SLC38A4: variants seen among roughly 807,000 people sequenced by gnomAD.
SLC38A4 encodes sodium-coupled neutral amino acid transporter 4.
In SLC38A4, 20 loss-of-function variants were observed where a neutral mutation model predicts 63.1. That is an observed-to-expected ratio of 0.32 (90% CI 0.22 to 0.46). The LOEUF (loss-of-function observed/expected upper bound fraction) is 0.46, where lower values mean the gene tolerates loss of function less well. Ranked by LOEUF, SLC38A4 falls within the 20% of genes least tolerant of loss-of-function variation. SLC38A4 has a pLI of 1.00. For synonymous variants in SLC38A4, 230 were observed against 225.5 expected (o/e 1.02, Z -0.18); for missense variants, 526 against 663.6 (o/e 0.79, Z 2.28).
intron 14 of SLC38A4, among the ~76,000 whole-genome samples, chr12:46,771,646 T>G (rs180409): frequency 2.0e-5 from 3 of 152,036 alleles, no homozygotes; most frequent in Middle Eastern, 3.4e-3. Context: ...AGTGCATTCC[T>G]GAAGAGAGCA....
chr12:46,797,375 C>T (rs998341009), intron 2 of SLC38A4, among the ~76,000 whole-genome samples: 38 of 152,112 alleles, frequency 2.5e-4, no homozygotes, highest in African/African-American at 8.7e-4. Flanking sequence ...AGAGGAAGGG[C>T]AAATTTACTG....
upstream of SLC38A4, among the ~76,000 whole-genome samples, chr12:46,827,388 G>A (rs1159708522): frequency 6.6e-6 from 1 of 152,154 alleles, no homozygotes; most frequent in Non-Finnish European, 1.5e-5. Flanking sequence ...CATGGATATG[G>A]TAAAGAGGTA....
chr12:46,778,397 T>C, intron 11 of SLC38A4, 29 bp from the exon 12 acceptor site: 3 of 1,612,148 alleles, frequency 1.9e-6, no homozygotes, highest in Non-Finnish European at 2.5e-6. Flanking sequence ...ACCACGTGTT[T>C]AGCATTCCAA....
intron 1 of SLC38A4, among the ~76,000 whole-genome samples, chr12:46,810,895 T>C (rs1939326668): frequency 6.6e-6 from 1 of 152,048 alleles, no homozygotes. Flanking sequence ...AAATCTTTGA[T>C]TCTGAATGGG....
chr12:46,775,066 G>C lies in SLC38A4; in HGVS notation c.1282C>G (p.Pro428Ala). 1 of 1,612,508 alleles carries C rather than the reference G, an allele frequency of 6.2e-7. No individual in the cohort carries two copies. The highest frequency in any genetic ancestry group is 8.5e-7 in the Non-Finnish European group (1 of 1,178,970). Residue 428 changes from proline (P) to alanine (A), a missense_variant, in exon 14 of 17, where the codon CCC becomes GCC. Physicochemically the swap from Pro to Ala is conservative, Grantham distance 27. Transcript: ENST00000266579. ...AVLVAVTLTV[P>A]IVLFPIRTSV... ...GTACTTACTGGGAAGAGGACAATGG[G>C]CACAGTTAGTGTTACTGCCACAAGG...
intron 14 of SLC38A4, among the ~76,000 whole-genome samples, chr12:46,773,291 C>T (rs2429474): frequency 0.29 from 44,151 of 151,972 alleles, 7,175 homozygotes; most frequent in Non-Finnish European, 0.37. Context: ...TTCCCAAGCA[C>T]GACGGAGCTC....
intron 3 of SLC38A4, among the ~76,000 whole-genome samples, chr12:46,792,321 C>T (rs561795366): frequency 2.0e-5 from 3 of 152,068 alleles, no homozygotes; most frequent in Non-Finnish European, 4.4e-5. Context: ...TCAAAGTTTA[C>T]ACCTAGGGGC....
At chr12:46,767,597 A>G (rs1374253055) in intron 16 of SLC38A4, among the ~76,000 whole-genome samples, 1 of 152,104 alleles carries the variant, frequency 6.6e-6, no homozygotes, top group Non-Finnish European at 1.5e-5. Context: ...ATTATCCTGA[A>G]GTCCCCAGAA....
In SLC38A4 at chr12:46,773,695, C is replaced by T. The variant is rs1938466307; in HGVS notation, c.1299+1354G>A. Among the ~76,000 whole-genome samples the T allele has an allele frequency of 5.3e-5, 8 of 151,976 alleles. No individual in the cohort carries two copies. In the South Asian group the frequency reaches 1.7e-3, roughly 32 times the overall value. Reference sequence around the variant, plus strand: ...TACTTCCCATGACAATAATTGCAGCCCTCAGTGTTGGGCTATGAGCTGCAC... The same window carrying T: ...TACTTCCCATGACAATAATTGCAGCTCTCAGTGTTGGGCTATGAGCTGCAC... On this transcript the variant is annotated intron_variant, in intron 14 of 16. Coordinates refer to ENST00000266579, the MANE Select transcript of SLC38A4 (RefSeq NM_018018.5).
chr12:46,822,199 G>A (rs1165536676), intron 1 of SLC38A4, among the ~76,000 whole-genome samples: 3 of 152,198 alleles, frequency 2.0e-5, no homozygotes, highest in Admixed American at 6.5e-5. Flanking sequence ...TGACACACAC[G>A]TACACATAGG....
intron 2 of SLC38A4, among the ~76,000 whole-genome samples, chr12:46,795,032 T>C (rs1030159448): frequency 1.3e-5 from 2 of 152,014 alleles, no homozygotes; most frequent in African/African-American, 4.8e-5. Context: ...AAGGTTTTCC[T>C]CATTCTTCAC....
intron 2 of SLC38A4, among the ~76,000 whole-genome samples, chr12:46,798,309 C>A (rs975710480): frequency 6.6e-5 from 10 of 152,166 alleles, no homozygotes; most frequent in African/African-American, 2.4e-4. Context: ...CTGGTCTCAT[C>A]TCCGTCCACA....
intron 3 of SLC38A4, 21 bp from the exon 4 acceptor site, chr12:46,788,639 A>G (rs1938815154): frequency 1.3e-6 from 2 of 1,583,936 alleles, no homozygotes; most frequent in Admixed American, 1.7e-5. Context: ...ACACACACAA[A>G]TAAGAAAGTG....
chr12:46,808,394 G>C (rs1285584832), intron 1 of SLC38A4, among the ~76,000 whole-genome samples: 1 of 151,978 alleles, frequency 6.6e-6, no homozygotes, highest in East Asian at 1.9e-4. Context: ...GGAAATGTTT[G>C]AATAGTCAAC....
intron 1 of SLC38A4, among the ~76,000 whole-genome samples, chr12:46,811,365 G>C (rs1252698091): frequency 6.6e-6 from 1 of 151,960 alleles, no homozygotes; most frequent in East Asian, 1.9e-4. Context: ...GGAAGTAACA[G>C]CTGGGCTAAA....
intron 1 of SLC38A4, among the ~76,000 whole-genome samples, chr12:46,807,634 C>CA (rs35709312): frequency 6.6e-6 from 1 of 151,216 alleles, no homozygotes; most frequent in Non-Finnish European, 1.5e-5. Flanking sequence ...TAGATACTTG[C>CA]AAAAAAAGAA....
upstream of SLC38A4, among the ~76,000 whole-genome samples, chr12:46,829,817 C>A (rs75502098): frequency 6.6e-6 from 1 of 152,144 alleles, no homozygotes; most frequent in African/African-American, 2.4e-5. Context: ...TGTTCATTTA[C>A]GTTTATGAAC....
At chr12:46,796,645 C>CG (rs1470614252) in intron 2 of SLC38A4, among the ~76,000 whole-genome samples, 4 of 152,070 alleles carry the variant, frequency 2.6e-5, no homozygotes, top group Non-Finnish European at 5.9e-5. Context: ...GCAGTTACTC[C>CG]GGGGGTGAAG....
At chr12:46,820,661 A>G (rs1939525724) in intron 1 of SLC38A4, among the ~76,000 whole-genome samples, 1 of 152,020 alleles carries the variant, frequency 6.6e-6, no homozygotes, top group Admixed American at 6.6e-5. Context: ...TCGCTCTGAG[A>G]TTTTGATTTC....
Sources: allele counts gnomAD v4.1 joint callset (sites outside exome capture counted in the v4.1 genomes callset), GRCh38; gene constraint gnomAD v4.1.1; transcripts MANE v1.5; gene names NCBI Gene and HGNC (gene_info 2026-07-23, HGNC 2026-07-21).